The following MGLL variants were observed in gnomAD, a reference collection of about 807,000 sequenced individuals.
The protein encoded by MGLL is lysophospholipase homolog.
Under a neutral mutation model 29.1 loss-of-function variants are expected in MGLL, and 7 were observed. That is an observed-to-expected ratio of 0.24 (90% CI 0.14 to 0.45). The LOEUF (loss-of-function observed/expected upper bound fraction) is 0.45. Among genes scored for constraint, MGLL ranks in the 20% least tolerant of loss-of-function variants. The pLI is 0.99. For synonymous variants in MGLL, 148 were observed against 168.3 expected, an observed-to-expected ratio of 0.88 and a Z score of 0.93; for missense variants, 356 against 413.6, an observed-to-expected ratio of 0.86 and a Z score of 1.21.
At chr3:127,765,333 A>G (rs1384752622) in intron 3 of MGLL, among the ~76,000 whole-genome samples, 1 of 152,222 alleles carries the variant, frequency 6.6e-6, no homozygotes, top group Non-Finnish European at 1.5e-5. Context: ...GAGAGACCGT[A>G]TGAATAATTT....
intron 3 of MGLL, among the ~76,000 whole-genome samples, chr3:127,758,657 G>A (rs981649179): frequency 1.3e-5 from 2 of 152,204 alleles, no homozygotes; most frequent in Admixed American, 6.5e-5. Context: ...ACCGAGCGAG[G>A]AGAATGGGGG....
chr3:127,779,035 G>A (rs1245850229), intron 3 of MGLL, among the ~76,000 whole-genome samples: 1 of 152,310 alleles, frequency 6.6e-6, no homozygotes, highest in East Asian at 1.9e-4. Context: ...GACTACAGGT[G>A]TGAGCCATTG....
At chr3:127,699,939 C>T (rs1361803934) in intron 6 of MGLL, among the ~76,000 whole-genome samples, 1 of 152,190 alleles carries the variant, frequency 6.6e-6, no homozygotes, top group African/African-American at 2.4e-5. Context: ...AGAAATACAA[C>T]CCAGCAGGCT....
intron 2 of MGLL, among the ~76,000 whole-genome samples, chr3:127,812,586 T>A (rs571344038): frequency 2.3e-4 from 35 of 152,362 alleles, no homozygotes; most frequent in South Asian, 1.7e-3. Flanking sequence ...CCTCTGTGAC[T>A]GGCGCTTGCC....
rs1420443688 is a variant in MGLL, at chr3:127,707,992, C to CTCGAGTCCCAGGCCCCTGCACCCTCGA, written c.600+2583_600+2584insTCGAGGGTGCAGGGGCCTGGGACTCGA. 3.9e-5 allele frequency among the ~76,000 whole-genome samples: 6 copies of CTCGAGTCCCAGGCCCCTGCACCCTCGA among 152,352 alleles called. No individual in the cohort carries two copies. In the East Asian group the frequency reaches 1.2e-3, roughly 29 times the overall value. ...AGATCTTCCCTGGGGCCTGTGCACT[C>CTCGAGTCCCAGGCCCCTGCACCCTCGA]TTGAGTCCCAGGCCCCTGCACCCTC... On this transcript the variant is annotated intron_variant, in intron 6 of 7. Transcript: ENST00000265052.
intron 2 of MGLL, among the ~76,000 whole-genome samples, chr3:127,783,465 G>A (rs1413791132): frequency 2.6e-5 from 4 of 152,170 alleles, no homozygotes; most frequent in Admixed American, 6.5e-5. Context: ...ACCTTCTGAG[G>A]ACTGGACCCC....
intron 2 of MGLL, among the ~76,000 whole-genome samples, chr3:127,803,939 G>C (rs139919644): frequency 3.3e-5 from 5 of 152,286 alleles, no homozygotes; most frequent in Non-Finnish European, 7.3e-5. Context: ...GTGTACCCCA[G>C]TGCAGAGCTG....
At chr3:127,814,207 G>T (rs962528031) in intron 2 of MGLL, among the ~76,000 whole-genome samples, 1 of 152,132 alleles carries the variant, frequency 6.6e-6, no homozygotes, top group African/African-American at 2.4e-5. Flanking sequence ...GTTAGCAGAT[G>T]GACACAAAGG....
intron 3 of MGLL, chr3:127,736,384 G>A (rs1364349149): frequency 1.0e-6 from 1 of 981,138 alleles, no homozygotes; most frequent in African/African-American, 1.8e-5. Context: ...GGCAGGAGTT[G>A]GGTCAGCGAA....
intron 3 of MGLL, among the ~76,000 whole-genome samples, chr3:127,775,016 C>G (rs765011772): frequency 1.3e-5 from 2 of 152,022 alleles, no homozygotes; most frequent in East Asian, 1.9e-4. Context: ...AACTCATATC[C>G]GAGACTTACA....
At chr3:127,692,586 C>T (rs2075268659) in intron 7 of MGLL, among the ~76,000 whole-genome samples, 1 of 152,206 alleles carries the variant, frequency 6.6e-6, no homozygotes. Flanking sequence ...CTCCCCATCC[C>T]TGGACCCGTT....
At position 127,761,502 on chromosome 3, in the gene MGLL, C is replaced by T. The variant is rs117390704; in HGVS notation, c.262+20287G>A. On this transcript the variant is annotated intron_variant, in intron 3 of 7. Coordinates refer to ENST00000265052, the MANE Select transcript of MGLL (RefSeq NM_007283.7). This position sits in a 1 kb window ranked among gnomAD's most constrained non-coding sequence, Gnocchi z 4.6. ...ACTCAGAGACAGCAGTCAAAGAGGC[C>T]ACTTCTGCACTGCCTGGACCAGAGA... 2.0e-5 allele frequency among the ~76,000 whole-genome samples: 3 copies of T among 152,238 alleles called. No individual in the cohort carries two copies. In the East Asian group the frequency reaches 5.8e-4, roughly 29 times the overall value.
At chr3:127,798,238 G>A (rs564957331) in intron 2 of MGLL, among the ~76,000 whole-genome samples, 9 of 152,214 alleles carry the variant, frequency 5.9e-5, no homozygotes, top group Middle Eastern at 3.4e-3. Context: ...GCTTTTCTTC[G>A]TATCTATGTA....
chr3:127,705,232 A>G (rs1014542947), intron 6 of MGLL, among the ~76,000 whole-genome samples: 1 of 151,792 alleles, frequency 6.6e-6, no homozygotes, highest in African/African-American at 2.4e-5. Flanking sequence ...GAGGAGGGGC[A>G]CGGGGGGAGG....
chr3:127,754,980 G>A (rs1004107554), intron 3 of MGLL, among the ~76,000 whole-genome samples: 1 of 152,252 alleles, frequency 6.6e-6, no homozygotes, highest in Admixed American at 6.5e-5. Context: ...TGTGTGGGAG[G>A]AACGCGGGTT....
At chr3:127,822,185 C>G in intron 1 of MGLL, 124 bp downstream of exon 1, 2 of 1,111,358 alleles carry the variant, frequency 1.8e-6, no homozygotes, top group East Asian at 2.4e-5. Context: ...GTACAAAGAC[C>G]CAGCTGCAAG....
intron 2 of MGLL, among the ~76,000 whole-genome samples, chr3:127,784,168 T>C (rs1034482182): frequency 3.3e-5 from 5 of 152,218 alleles, no homozygotes; most frequent in Admixed American, 2.0e-4. Flanking sequence ...GAAAAACAAG[T>C]GGTCTCTTAC....
chr3:127,742,249 C>A (rs906943628), intron 3 of MGLL, among the ~76,000 whole-genome samples: 5 of 152,144 alleles, frequency 3.3e-5, no homozygotes, highest in African/African-American at 7.2e-5. Flanking sequence ...TAATAGGTGG[C>A]AAAACCCACC....
At position 127,710,567 on chromosome 3, in the gene MGLL, GC is replaced by G; in HGVS notation, c.600+8del. ...CAAGCTACCCCTGGGGTTTCGGAAAGCCTCTCACCTCTGTCTTATTCCGAGA... is the reference window on the plus strand; with the variant it reads ...CAAGCTACCCCTGGGGTTTCGGAAAGCTCTCACCTCTGTCTTATTCCGAGA... On this transcript the variant is annotated splice_region_variant and intron_variant, in intron 6 of 7. Coordinates refer to ENST00000265052, the MANE Select transcript of MGLL (RefSeq NM_007283.7). The G allele has an allele frequency of 6.4e-7, 1 of 1,550,414 alleles. No individual in the cohort carries two copies. Among genetic ancestry groups the G allele is most frequent in the Non-Finnish European group, 8.7e-7 (1 of 1,144,584 alleles).
Sources: allele counts gnomAD v4.1 joint callset (sites outside exome capture counted in the v4.1 genomes callset), GRCh38; gene constraint gnomAD v4.1.1; non-coding constraint Gnocchi (gnomAD v3.1); transcripts MANE v1.5; gene names NCBI Gene and HGNC (gene_info 2026-07-23, HGNC 2026-07-21).